Variants in NECTIN1 observed in about 807,000 individuals in gnomAD.
NECTIN1 encodes nectin-1.
Under a neutral mutation model 48.0 loss-of-function variants are expected in NECTIN1, and 23 were observed. The ratio of observed to expected loss-of-function variants is 0.48; its 90% CI spans 0.34 to 0.68. NECTIN1 has a LOEUF of 0.68. NECTIN1 is among the 30% of genes least tolerant of loss of function. The pLI is 0.01. For synonymous variants in NECTIN1, 270 were observed against 288.9 expected, an observed-to-expected ratio of 0.93 and a Z score of 0.66; for missense variants, 591 against 709.9, an observed-to-expected ratio of 0.83 and a Z score of 1.90.
chr11:119,662,332 C>T lies in NECTIN1; in HGVS notation c.*2415G>A, dbSNP rs1457337686. 3 of 985,756 alleles carry T rather than the reference C, an allele frequency of 3.0e-6. No homozygotes were observed. In the African/African-American group the frequency reaches 5.2e-5, roughly 17 times the overall value. 61.1% of individuals were successfully genotyped at this position (985,756 alleles called of 1,614,324 possible). ...ACATCCCTAGGTCCAAGTGCTGACTCCTGCCTCATGCCCACCCTCAGCCCA... is the reference window on the plus strand; with the variant it reads ...ACATCCCTAGGTCCAAGTGCTGACTTCTGCCTCATGCCCACCCTCAGCCCA... On this transcript the variant is annotated 3_prime_UTR_variant, in exon 6 of 6. Coordinates refer to ENST00000264025, the MANE Select transcript of NECTIN1 (RefSeq NM_002855.5). This position sits in a 1 kb window ranked among gnomAD's most constrained non-coding sequence, Gnocchi z 5.3.
rs2135551226 is a variant in NECTIN1, at chr11:119,677,271, G to T, written c.734-52C>A. 1 of 1,473,174 alleles carries T rather than the reference G, an allele frequency of 6.8e-7. No individual in the cohort carries two copies. Among genetic ancestry groups the T allele is most frequent in the Non-Finnish European group, 9.5e-7 (1 of 1,052,658 alleles). 91.3% of individuals were successfully genotyped at this position (1,473,174 alleles called of 1,614,324 possible). On this transcript the variant is annotated intron_variant, in intron 3 of 5. Coordinates refer to ENST00000264025, the MANE Select transcript of NECTIN1 (RefSeq NM_002855.5). The surrounding 1 kb of genome is among the most constrained non-coding windows in gnomAD (Gnocchi z 5.4). ...GGTGAGGTCAGGAGAGCGGGACTTA[G>T]AACAAGGGAACTTCAGCCAGGAAGG...
chr11:119,717,582 CCAGTGTTATTTA>C (rs1463388450), intron 1 of NECTIN1, among the ~76,000 whole-genome samples: 3 of 152,172 alleles, frequency 2.0e-5, no homozygotes, highest in East Asian at 1.9e-4. Flanking sequence ...CTGCTCCGCT[CCAGTGTTATTTA>C]CAGTGTTATT....
chr11:119,692,274 G>A (rs988872579), intron 1 of NECTIN1, among the ~76,000 whole-genome samples: 9 of 151,852 alleles, frequency 5.9e-5, no homozygotes, highest in Non-Finnish European at 1.0e-4. Flanking sequence ...ACGTAGGCTC[G>A]GGGCTCGCGC....
chr11:119,661,307 C>T lies in NECTIN1; in HGVS notation c.*3440G>A, dbSNP rs113799084. 2,703 of 985,998 alleles carry T rather than the reference C, an allele frequency of 2.7e-3. 55 individuals are homozygous for T. The African/African-American group carries it at 0.043, about 16-fold the overall frequency. 61.1% of individuals were successfully genotyped at this position (985,998 alleles called of 1,614,324 possible). ...GCAGGGGTCAGAAGAGCAGCAGCAC[C>T]GAGTGGGACAGGGGCTCCTCCTGGC... On this transcript the variant is annotated 3_prime_UTR_variant, in exon 6 of 6. Transcript: ENST00000264025.
intron 5 of NECTIN1, among the ~76,000 whole-genome samples, chr11:119,649,702 G>C (rs769797416): frequency 1.3e-5 from 2 of 152,118 alleles, no homozygotes; most frequent in Non-Finnish European, 2.9e-5. Flanking sequence ...AAAAAAAGAG[G>C]AATGTTACCA....
At chr11:119,649,820 A>C (rs113822835) in intron 5 of NECTIN1, among the ~76,000 whole-genome samples, 1,586 of 152,338 alleles carry the variant, frequency 0.01, 17 homozygotes, top group Middle Eastern at 0.054. Flanking sequence ...ACTCACTAGA[A>C]ATCTGTCAAG....
At chr11:119,676,584 A>G (rs1454953648) in intron 4 of NECTIN1, among the ~76,000 whole-genome samples, 1 of 152,228 alleles carries the variant, frequency 6.6e-6, no homozygotes, top group African/African-American at 2.4e-5. Context: ...GGCAAGGCGA[A>G]GACCGTGAGG....
intron 1 of NECTIN1, among the ~76,000 whole-genome samples, chr11:119,702,922 C>T (rs921156035): frequency 4.6e-5 from 7 of 152,180 alleles, no homozygotes; most frequent in African/African-American, 1.7e-4. Context: ...AGTAACATCT[C>T]TTACCCTGGG....
chr11:119,648,294 G>A (rs1864432190), intron 5 of NECTIN1, among the ~76,000 whole-genome samples: 2 of 56,594 alleles, frequency 3.5e-5, no homozygotes, highest in African/African-American at 1.4e-4. Flanking sequence ...TGGTGATGGT[G>A]GTGGTGGTGG....
chr11:119,643,717 G>A (rs940750339), intron 5 of NECTIN1, among the ~76,000 whole-genome samples: 2 of 152,230 alleles, frequency 1.3e-5, no homozygotes, highest in African/African-American at 4.8e-5. Context: ...TGGTTACACC[G>A]TGACAAATTG....
chr11:119,706,034 G>A (rs1487025110), intron 1 of NECTIN1, among the ~76,000 whole-genome samples: 2 of 152,212 alleles, frequency 1.3e-5, no homozygotes, highest in South Asian at 2.1e-4. Context: ...AGAGATGCTT[G>A]TTCCCCTTTA....
At chr11:119,696,475 T>A (rs532632950) in intron 1 of NECTIN1, among the ~76,000 whole-genome samples, 1 of 151,754 alleles carries the variant, frequency 6.6e-6, no homozygotes, top group East Asian at 1.9e-4. Flanking sequence ...AAGAAGCAGG[T>A]CAAAGCAAAT....
intron 1 of NECTIN1, among the ~76,000 whole-genome samples, chr11:119,704,377 C>A (rs1196782311): frequency 6.6e-6 from 1 of 152,158 alleles, no homozygotes; most frequent in Non-Finnish European, 1.5e-5. Context: ...CCCACCATCA[C>A]GCCCAGCTAA....
chr11:119,657,634 C>G (rs183266853), downstream of NECTIN1, among the ~76,000 whole-genome samples: 66 of 141,668 alleles, frequency 4.7e-4, no homozygotes, highest in African/African-American at 1.8e-3. Context: ...AAAAAAAAAG[C>G]CTGTTACGGG....
chr11:119,656,631 G>T (rs1457914367), downstream of NECTIN1, among the ~76,000 whole-genome samples: 1 of 152,138 alleles, frequency 6.6e-6, no homozygotes, highest in Non-Finnish European at 1.5e-5. Context: ...TGGCCAGCTA[G>T]TCTCTGGGTC....
intron 5 of NECTIN1, among the ~76,000 whole-genome samples, chr11:119,649,286 C>A (rs560281203): frequency 3.3e-5 from 5 of 151,284 alleles, no homozygotes; most frequent in African/African-American, 1.2e-4. Flanking sequence ...GATGCTGAGG[C>A]GGGAAAATCA....
At chr11:119,682,281 G>A (rs1467196019) in intron 1 of NECTIN1, among the ~76,000 whole-genome samples, 2 of 152,134 alleles carry the variant, frequency 1.3e-5, no homozygotes, top group Non-Finnish European at 2.9e-5. Flanking sequence ...CTGGATGGGG[G>A]CAAGAATCCT....
chr11:119,677,734 C>A lies in NECTIN1; in HGVS notation c.554G>T (p.Trp185Leu). 1 of 1,614,162 alleles carries A rather than the reference C, an allele frequency of 6.2e-7. No individual in the cohort carries two copies. Among genetic ancestry groups the A allele is most frequent in the Non-Finnish European group, 8.5e-7 (1 of 1,180,036 alleles). ...ANGKPPSVVS[W>L]ETRLKGEAEY... ...TGCCTCACCTTTTAACCGAGTTTCC[C>A]AGGATACCACACTGGGAGGCTTCCC... is the stretch of plus-strand genomic sequence containing the variant. Residue 185 changes from tryptophan to leucine, a missense_variant, in exon 3 of 6, where the codon TGG (tryptophan) becomes TTG (leucine). Transcript: ENST00000264025. The surrounding 1 kb of genome is among the most constrained non-coding windows in gnomAD (Gnocchi z 5.4).
intron 5 of NECTIN1, among the ~76,000 whole-genome samples, chr11:119,668,586 T>C (rs1864814899): frequency 6.6e-6 from 1 of 152,180 alleles, no homozygotes; most frequent in South Asian, 2.1e-4. Context: ...TCCCCACCGA[T>C]TGCACTTCTC....
Sources: gnomAD v4.1 joint callset for allele counts (sites outside exome capture counted in the v4.1 genomes callset) on GRCh38, gnomAD v4.1.1 for gene constraint, Gnocchi (gnomAD v3.1) non-coding constraint, MANE v1.5 for transcripts, NCBI Gene and HGNC (gene_info 2026-07-23, HGNC 2026-07-21) for gene names.